Variants in ERBB4 observed in about 807,000 individuals in gnomAD.
The protein encoded by ERBB4 is receptor tyrosine-protein kinase erbB-4.
A neutral mutation model predicts 158.0 loss-of-function variants in ERBB4; 42 were observed. The ratio of observed to expected loss-of-function variants is 0.27; its 90% CI spans 0.21 to 0.34. The LOEUF is 0.34. Ranked by LOEUF, ERBB4 falls within the 10% of genes least tolerant of loss-of-function variation. ERBB4 has a pLI of 1.00. For missense variants in ERBB4, 1,333 were observed against 1,624.1 expected, an observed-to-expected ratio of 0.82 and a Z score of 3.08; for synonymous variants, 583 against 558.7, an observed-to-expected ratio of 1.04 and a Z score of -0.61.
chr2:212,191,587 T>C (rs182192403), intron 1 of ERBB4, among the ~76,000 whole-genome samples: 15 of 74,994 alleles, frequency 2.0e-4, no homozygotes, highest in South Asian at 7.5e-4. Context: ...ATGCCTGTTA[T>C]ATATAACACA....
chr2:211,879,697 G>C (rs975423586), intron 3 of ERBB4, among the ~76,000 whole-genome samples: 6 of 152,130 alleles, frequency 3.9e-5, no homozygotes, highest in Non-Finnish European at 5.9e-5. Context: ...ATGGAACAGT[G>C]TAGTAGTCAT....
intron 15 of ERBB4, 152 bp downstream of exon 15, chr2:211,665,171 T>C: frequency 7.2e-6 from 6 of 834,010 alleles, no homozygotes; most frequent in Non-Finnish European, 1.2e-5. Flanking sequence ...CCATAAATCA[T>C]TCTCTCAGTA....
intron 1 of ERBB4, among the ~76,000 whole-genome samples, chr2:212,294,223 G>C (rs1362309131): frequency 6.6e-6 from 1 of 151,918 alleles, no homozygotes; most frequent in Non-Finnish European, 1.5e-5. Context: ...CATTCCAATG[G>C]AAAAACTATG....
intron 3 of ERBB4, among the ~76,000 whole-genome samples, chr2:211,864,841 T>A (rs748003619): frequency 4.6e-5 from 7 of 151,884 alleles, no homozygotes; most frequent in African/African-American, 7.3e-5. Context: ...TGGCACCCTG[T>A]CTCTACTAAA....
chr2:212,162,517 CAT>C (rs1011626598), intron 1 of ERBB4, among the ~76,000 whole-genome samples: 17 of 151,826 alleles, frequency 1.1e-4, no homozygotes, highest in Middle Eastern at 6.3e-3. Context: ...TTTGATAAAA[CAT>C]AGTGAATATG....
intron 3 of ERBB4, among the ~76,000 whole-genome samples, chr2:211,826,380 G>T (rs2077099568): frequency 6.6e-6 from 1 of 151,772 alleles, no homozygotes; most frequent in Non-Finnish European, 1.5e-5. Context: ...AGTAGTAAAT[G>T]TTCAAAAAAT....
At chr2:212,377,240 T>A (rs1294599306) in intron 1 of ERBB4, among the ~76,000 whole-genome samples, 1 of 148,098 alleles carries the variant, frequency 6.8e-6, no homozygotes, top group African/African-American at 2.4e-5. Flanking sequence ...AAAATAAAGT[T>A]ATATAAAATA....
chr2:211,856,366 C>CTATT (rs33972622), intron 3 of ERBB4, among the ~76,000 whole-genome samples: 4,788 of 140,596 alleles, frequency 0.034, 169 homozygotes, highest in African/African-American at 0.079. Context: ...CTTGTAATTT[C>CTATT]TATTTATTTA....
chr2:212,196,995 G>A (rs114209202), intron 1 of ERBB4, among the ~76,000 whole-genome samples: 285 of 152,172 alleles, frequency 1.9e-3, no homozygotes, highest in African/African-American at 6.7e-3. Flanking sequence ...TAGAACTGAT[G>A]TCTACGGGTT....
chr2:212,239,042 G>T (rs1415377344), intron 1 of ERBB4, among the ~76,000 whole-genome samples: 1 of 152,086 alleles, frequency 6.6e-6, no homozygotes, highest in African/African-American at 2.4e-5. Flanking sequence ...ATATCACTGA[G>T]ATTTAATTTC....
intron 1 of ERBB4, among the ~76,000 whole-genome samples, chr2:212,318,000 T>C (rs1191972798): frequency 1.3e-5 from 2 of 151,654 alleles, no homozygotes; most frequent in Admixed American, 1.3e-4. Flanking sequence ...TTAAGTTAAT[T>C]AAAATAAAGG....
chr2:211,471,066 C>T (rs2064816068), intron 20 of ERBB4, among the ~76,000 whole-genome samples: 1 of 152,098 alleles, frequency 6.6e-6, no homozygotes, highest in African/African-American at 2.4e-5. Flanking sequence ...AGTAGTATGG[C>T]TACCGAAGAC....
intron 1 of ERBB4, among the ~76,000 whole-genome samples, chr2:212,249,144 T>C (rs941275729): frequency 3.3e-5 from 5 of 152,112 alleles, no homozygotes; most frequent in Non-Finnish European, 7.4e-5. Flanking sequence ...TTGTTTGCGA[T>C]GAAGCATAGT....
chr2:211,500,289 A>G (rs915011612), intron 20 of ERBB4, among the ~76,000 whole-genome samples: 3 of 152,144 alleles, frequency 2.0e-5, no homozygotes, highest in Admixed American at 2.0e-4. Context: ...TGGACTATAA[A>G]TAGCAACAGA....
intron 3 of ERBB4, among the ~76,000 whole-genome samples, chr2:211,808,414 G>T (rs2105908562): frequency 6.6e-6 from 1 of 151,920 alleles, no homozygotes; most frequent in East Asian, 1.9e-4. Context: ...TTTTTGTCAG[G>T]TTTGTCAAGG....
At chr2:211,662,067 A>AAG (rs2071447025) in intron 15 of ERBB4, among the ~76,000 whole-genome samples, 1 of 141,298 alleles carries the variant, frequency 7.1e-6, no homozygotes, top group African/African-American at 2.6e-5. Flanking sequence ...AAAAAAAAAA[A>AAG]AAAAAAAAAA....
intron 19 of ERBB4, among the ~76,000 whole-genome samples, chr2:211,585,337 G>A (rs1290056348): frequency 1.7e-5 from 2 of 117,276 alleles, no homozygotes; most frequent in Admixed American, 1.1e-4. Flanking sequence ...GGGCGAGAGA[G>A]CGAGACTCCG....
intron 18 of ERBB4, among the ~76,000 whole-genome samples, chr2:211,622,932 C>T (rs1443317280): frequency 1.1e-3 from 128 of 115,788 alleles, no homozygotes; most frequent in African/African-American, 4.3e-3. Flanking sequence ...CATTGCACTA[C>T]AGCCTGGCCA....
chr2:211,823,062 C>G (rs759167056), intron 3 of ERBB4, among the ~76,000 whole-genome samples: 2 of 152,004 alleles, frequency 1.3e-5, no homozygotes, highest in Non-Finnish European at 2.9e-5. Context: ...AACAAAACTG[C>G]CCCAATCCAA....
Sources: allele counts gnomAD v4.1 joint callset (sites outside exome capture counted in the v4.1 genomes callset), GRCh38; gene constraint gnomAD v4.1.1; transcripts MANE v1.5; gene names NCBI Gene and HGNC (gene_info 2026-07-23, HGNC 2026-07-21).